The following CCDC6 variants were observed in gnomAD, a reference collection of about 807,000 sequenced individuals.
The protein encoded by CCDC6 is coiled-coil domain-containing protein 6.
CCDC6 carries 20 observed loss-of-function variants against 56.6 expected under a neutral mutation model. That is an observed-to-expected ratio of 0.35 (90% CI 0.25 to 0.51). CCDC6 has a LOEUF of 0.51. Among genes scored for constraint, CCDC6 ranks in the 20% least tolerant of loss-of-function variants. The pLI, the probability that CCDC6 is intolerant of heterozygous loss-of-function variation, is 0.95. For synonymous variants in CCDC6, 241 were observed against 234.4 expected (o/e 1.03, Z -0.26); for missense variants, 367 against 601.1 (o/e 0.61, Z 4.07).
intron 2 of CCDC6, among the ~76,000 whole-genome samples, chr10:59,840,225 TG>T (rs1412988018): frequency 6.6e-6 from 1 of 152,224 alleles, no homozygotes; most frequent in Non-Finnish European, 1.5e-5. Context: ...GAGAAACCAC[TG>T]GGTCATAGAG....
intron 7 of CCDC6, among the ~76,000 whole-genome samples, chr10:59,798,518 G>A (rs1314376386): frequency 6.6e-6 from 1 of 152,086 alleles, no homozygotes; most frequent in East Asian, 1.9e-4. Context: ...ACAAAATGGA[G>A]GTCTGGGATA....
chr10:59,804,637 A>C, intron 6 of CCDC6, 117 bp from the exon 7 acceptor site: 1 of 679,640 alleles, frequency 1.5e-6, no homozygotes, highest in South Asian at 1.7e-5. Flanking sequence ...GAATGTTTAG[A>C]GTGATGTTAT....
intron 1 of CCDC6, among the ~76,000 whole-genome samples, chr10:59,905,611 G>T (rs903208418): frequency 6.6e-6 from 1 of 151,970 alleles, no homozygotes; most frequent in African/African-American, 2.4e-5. Flanking sequence ...ACTCTCTCCC[G>T]CCCCCTCCCC....
At chr10:59,900,894 A>G (rs2071499964) in intron 1 of CCDC6, among the ~76,000 whole-genome samples, 1 of 152,244 alleles carries the variant, frequency 6.6e-6, no homozygotes, top group Non-Finnish European at 1.5e-5. Context: ...CACCACCTCC[A>G]CTAAAAATAC....
intron 5 of CCDC6, among the ~76,000 whole-genome samples, chr10:59,809,220 T>C (rs767688649): frequency 1.3e-5 from 2 of 152,194 alleles, no homozygotes; most frequent in Non-Finnish European, 2.9e-5. Context: ...AATAGGACTC[T>C]TATAATGCCT....
chr10:59,894,978 T>G (rs1589065010), intron 1 of CCDC6, among the ~76,000 whole-genome samples: 1 of 152,316 alleles, frequency 6.6e-6, no homozygotes, highest in East Asian at 1.9e-4. Flanking sequence ...TAGGAACTTC[T>G]AATAGGAAAA....
Position 59,906,103 on chromosome 10 carries a change from G to T in CCDC6, c.303+19C>A, listed in dbSNP as rs368142017. ...CGGGCGGAGGTCGGCGCTGCGGCGC[G>T]TCCCCGGGGGGCACTCACGATGGTC... On this transcript the variant is annotated intron_variant, in intron 1 of 8. Coordinates refer to ENST00000263102, the MANE Select transcript of CCDC6 (RefSeq NM_005436.5). 2.6e-6 allele frequency: 4 copies of T among 1,557,028 alleles called. No individual in the cohort carries two copies.
chr10:59,792,215 G>C lies in CCDC6; in HGVS notation c.*702C>G. 3.9e-6 allele frequency: 1 copy of C among 258,704 alleles called. No individual in the cohort carries two copies. Among genetic ancestry groups the C allele is most frequent in the Admixed American group, 4.8e-5 (1 of 20,802 alleles). 16.0% of individuals were successfully genotyped at this position (258,704 alleles called of 1,614,324 possible). A position where few individuals can be genotyped will look rare whatever the true frequency, so the allele number is the denominator to read the frequency against. On this transcript the variant is annotated 3_prime_UTR_variant, in exon 9 of 9. Coordinates refer to ENST00000263102, the MANE Select transcript of CCDC6 (RefSeq NM_005436.5). ...GTAGATTAACATTAAGGATAAAAAA[G>C]AGAATCACATCTTAATATACGATAA...
intron 1 of CCDC6, among the ~76,000 whole-genome samples, chr10:59,863,623 T>C (rs2071152892): frequency 1.3e-5 from 2 of 152,122 alleles, no homozygotes; most frequent in Admixed American, 1.3e-4. Context: ...TCTGTAAATA[T>C]AATAAAAACC....
chr10:59,890,696 T>G (rs1209886287), intron 1 of CCDC6, among the ~76,000 whole-genome samples: 1 of 152,048 alleles, frequency 6.6e-6, no homozygotes, highest in African/African-American at 2.4e-5. Context: ...GGCAAACAGA[T>G]TTTTGTTTTT....
At chr10:59,848,651 T>C (rs904581054) in intron 2 of CCDC6, among the ~76,000 whole-genome samples, 40 of 152,332 alleles carry the variant, frequency 2.6e-4, no homozygotes, top group African/African-American at 9.4e-4. Flanking sequence ...TCATTATATG[T>C]CATTTCACTT....
chr10:59,903,910 C>G (rs2071522652), intron 1 of CCDC6, among the ~76,000 whole-genome samples: 1 of 152,194 alleles, frequency 6.6e-6, no homozygotes, highest in African/African-American at 2.4e-5. Context: ...AAACGTACCA[C>G]CACAGAATCT....
chr10:59,816,881 T>G (rs1191769637), intron 3 of CCDC6, among the ~76,000 whole-genome samples: 1 of 152,210 alleles, frequency 6.6e-6, no homozygotes, highest in African/African-American at 2.4e-5. Flanking sequence ...GAATAAGCCA[T>G]GATTATGTAG....
At chr10:59,837,825 A>ATC (rs3838771) in intron 2 of CCDC6, among the ~76,000 whole-genome samples, 77,414 of 149,384 alleles carry the variant, frequency 0.52, 22,110 homozygotes, top group African/African-American at 0.77. Context: ...GTCAACTAAT[A>ATC]TCTGTTACCC....
chr10:59,895,782 G>A (rs896139364), intron 1 of CCDC6, among the ~76,000 whole-genome samples: 1 of 152,206 alleles, frequency 6.6e-6, no homozygotes, highest in African/African-American at 2.4e-5. Flanking sequence ...TGATAAGAGT[G>A]TCTTTGTTTA....
At chr10:59,816,278 A>G (rs1214697924) in intron 3 of CCDC6, among the ~76,000 whole-genome samples, 1 of 152,188 alleles carries the variant, frequency 6.6e-6, no homozygotes, top group African/African-American at 2.4e-5. Flanking sequence ...GAAAAAAAGG[A>G]GGTCTCAAAC....
At chr10:59,838,173 T>C (rs1317273086) in intron 2 of CCDC6, among the ~76,000 whole-genome samples, 1 of 152,058 alleles carries the variant, frequency 6.6e-6, no homozygotes, top group Non-Finnish European at 1.5e-5. Context: ...TCTGGGTCAA[T>C]GCCTCACATC....
At chr10:59,875,074 T>C (rs2071266773) in intron 1 of CCDC6, among the ~76,000 whole-genome samples, 1 of 152,236 alleles carries the variant, frequency 6.6e-6, no homozygotes, top group Non-Finnish European at 1.5e-5. Flanking sequence ...TTGCCATGAT[T>C]AAGAACAAGT....
At chr10:59,800,469 C>T (rs2070564330) in intron 7 of CCDC6, among the ~76,000 whole-genome samples, 2 of 152,190 alleles carry the variant, frequency 1.3e-5, no homozygotes, top group African/African-American at 4.8e-5. Context: ...CCAAATTGTT[C>T]TAAGTGTCAA....
Sources: gnomAD v4.1 joint callset for allele counts (sites outside exome capture counted in the v4.1 genomes callset) on GRCh38, gnomAD v4.1.1 for gene constraint, MANE v1.5 for transcripts, NCBI Gene and HGNC (gene_info 2026-07-23, HGNC 2026-07-21) for gene names.